Variants in MYBPC2 observed in about 807,000 individuals in gnomAD.
MYBPC2 encodes myosin-binding protein C, fast-type.
Under a neutral mutation model 137.0 loss-of-function variants are expected in MYBPC2, and 122 were observed. The ratio of observed to expected loss-of-function variants is 0.89; its 90% CI spans 0.77 to 1.03. The LOEUF is 1.03. Among genes scored for constraint, MYBPC2 ranks in the 50% least tolerant of loss-of-function variants. The pLI is 0.00. For missense variants in MYBPC2, 1,500 were observed against 1,534.4 expected, an observed-to-expected ratio of 0.98 and a Z score of 0.37; for synonymous variants, 626 against 612.3, an observed-to-expected ratio of 1.02 and a Z score of -0.33.
At position 50,460,038 on chromosome 19, in the gene MYBPC2, A is replaced by T; in HGVS notation, c.2792-2A>T. ...TGACTTGTCACACTTCCCCATTTCC[A>T]GAAAAGGCTGGGCCCCCCATAAACG... On this transcript the variant is annotated splice_acceptor_variant, in intron 23 of 27. Coordinates refer to ENST00000357701, the MANE Select transcript of MYBPC2 (RefSeq NM_004533.4). LOFTEE classifies it high-confidence loss of function. 2 of 1,551,816 alleles carry T rather than the reference A, an allele frequency of 1.3e-6. No homozygotes were observed. The highest frequency in any genetic ancestry group is 1.7e-6 in the Non-Finnish European group (2 of 1,147,444).
Position 50,437,828 on chromosome 19 carries a change from A to G in MYBPC2, c.572+110A>G, listed in dbSNP as rs951045257. 7 of 1,241,282 alleles carry G rather than the reference A, an allele frequency of 5.6e-6. No individual in the cohort carries two copies. In the East Asian group the frequency reaches 1.3e-4, roughly 23 times the overall value. The allele number at this position is 1,241,282 out of a possible 1,614,324, so 76.9% of individuals were successfully genotyped here. A position where few individuals can be genotyped will look rare whatever the true frequency, so the allele number is the denominator to read the frequency against. The stretch of plus-strand genomic sequence containing the variant: ...TCCTGGACCCACTGCTTATCCCTCT[A>G]CCACCTCCATCTGTTCACTCCCTGC... On this transcript the variant is annotated intron_variant, in intron 7 of 27. Coordinates refer to ENST00000357701, the MANE Select transcript of MYBPC2 (RefSeq NM_004533.4).
intron 20 of MYBPC2, among the ~76,000 whole-genome samples, chr19:50,457,290 C>T (rs1294321271): frequency 6.6e-6 from 1 of 152,178 alleles, no homozygotes; most frequent in Non-Finnish European, 1.5e-5. Context: ...TTTCAGAACC[C>T]AGCTTGTTAG....
At chr19:50,448,842 C>G (rs1047113813) in intron 13 of MYBPC2, among the ~76,000 whole-genome samples, 1 of 147,912 alleles carries the variant, frequency 6.8e-6, no homozygotes, top group Non-Finnish European at 1.5e-5. Context: ...TCAAGCGATT[C>G]TCCTGCCTCA....
At chr19:50,455,942 A>G (rs1475381026) in intron 20 of MYBPC2, among the ~76,000 whole-genome samples, 8 of 151,662 alleles carry the variant, frequency 5.3e-5, no homozygotes, top group Non-Finnish European at 2.9e-5. Context: ...TCTTTCTTCT[A>G]CTCATTTATC....
intron 23 of MYBPC2, 67 bp downstream of exon 23, chr19:50,459,373 G>T: frequency 6.2e-6 from 5 of 807,086 alleles, no homozygotes; most frequent in Non-Finnish European, 7.3e-6. Flanking sequence ...GGGGGAGGAG[G>T]TAAGAGATGA....
At chr19:50,440,851 T>G in intron 7 of MYBPC2, 29 bp from the exon 8 acceptor site, 2 of 1,592,282 alleles carry the variant, frequency 1.3e-6, no homozygotes, top group Non-Finnish European at 1.7e-6. Flanking sequence ...CACTCCCTGA[T>G]GGCCCCTGTC....
At chr19:50,447,715 G>C in intron 12 of MYBPC2, among the ~76,000 whole-genome samples, 1 of 152,112 alleles carries the variant, frequency 6.6e-6, no homozygotes, top group South Asian at 2.1e-4. Flanking sequence ...AAATTAGCCA[G>C]GCGTGGTGGT....
rs762754263 is a variant in MYBPC2, at chr19:50,455,501, T to G, written c.2204-9T>G. The G allele has an allele frequency of 3.8e-5, 61 of 1,610,530 alleles. No homozygotes were observed. Among genetic ancestry groups the G allele is most frequent in the Middle Eastern group, 3.3e-4 (2 of 6,070 alleles). ...TCCCCCCATATCCTCTTTTTCTGGA[T>G]GCTTGCAGCACCCACGAGTGAACCC... On this transcript the variant is annotated splice_polypyrimidine_tract_variant and intron_variant, in intron 19 of 27. Transcript: ENST00000357701.
At position 50,454,360 on chromosome 19, in the gene MYBPC2, C is replaced by CCAGT. The variant is rs777558412; in HGVS notation, c.2008_2011dup (p.Thr671SerfsTer22). ...GCCACCAATGTACGATGGGGGGAAG[C>CCAGT]CAGTCACCGGTGAGTGCCTCTGTCC... On this transcript the variant is annotated frameshift_variant, in exon 18 of 28. Transcript: ENST00000357701. LOFTEE classifies it high-confidence loss of function. 1.2e-5 allele frequency: 19 copies of CCAGT among 1,608,584 alleles called. No individual in the cohort carries two copies. Among genetic ancestry groups the CCAGT allele is most frequent in the Non-Finnish European group, 1.6e-5 (19 of 1,176,812 alleles).
At position 50,443,691 on chromosome 19, in the gene MYBPC2, C is replaced by G. The variant is rs573288749; in HGVS notation, c.1028-20C>G. On this transcript the variant is annotated intron_variant, in intron 10 of 27. Coordinates refer to ENST00000357701, the MANE Select transcript of MYBPC2 (RefSeq NM_004533.4). ...GAGGGGGTCCTGAAACGACTGACCT[C>G]CTGTCCCCCTGCCCCACAGAACCTC... 6.2e-7 allele frequency: 1 copy of G among 1,612,086 alleles called. No homozygotes were observed. Among genetic ancestry groups the G allele is most frequent in the African/African-American group, 1.3e-5 (1 of 75,006 alleles).
In MYBPC2 at chr19:50,461,575, A is replaced by G; in HGVS notation, c.2965A>G (p.Thr989Ala). Residue 989 changes from threonine to alanine, a missense_variant, in exon 25 of 28, where the codon ACT (threonine) becomes GCT (alanine). By Grantham distance (58) the Thr-to-Ala change is moderately conservative. Coordinates refer to ENST00000357701, the MANE Select transcript of MYBPC2 (RefSeq NM_004533.4). ...CAACGTCTATGAACGTAACAGGCAC[A>G]CTAGCTGTACTGTGTCCGACCTTAT... ...WFNVYERNRH[T>A]SCTVSDLIVG... 6.2e-7 allele frequency: 1 copy of G among 1,613,592 alleles called. No individual in the cohort carries two copies. The highest frequency in any genetic ancestry group is 1.1e-5 in the South Asian group (1 of 90,994).
At chr19:50,446,249 G>A (rs1297877292) in intron 12 of MYBPC2, among the ~76,000 whole-genome samples, 197 bp downstream of exon 12, 2 of 152,086 alleles carry the variant, frequency 1.3e-5, no homozygotes, top group African/African-American at 2.4e-5. Flanking sequence ...GGTGGCTCAC[G>A]CCTGTAATCC....
rs376860918 is a variant in MYBPC2 at position 50,443,469 on chromosome 19, G to A, written c.903-25G>A. On this transcript the variant is annotated intron_variant, in intron 9 of 27. Transcript: ENST00000357701. The stretch of plus-strand genomic sequence containing the variant: ...GGATAGGTGGATGCTCCACGCCCTG[G>A]TTTGAGGTGAGACTTTTGAATCAGG... The A allele has an allele frequency of 1.2e-5, 19 of 1,610,558 alleles. No homozygotes were observed. In the African/African-American group the frequency reaches 2.4e-4, roughly 20 times the overall value.
rs2122576327 is a variant in MYBPC2, at chr19:50,436,038, G to A, written c.223G>A (p.Val75Met). 3.2e-6 allele frequency: 5 copies of A among 1,583,864 alleles called. No individual in the cohort carries two copies. Among genetic ancestry groups the A allele is most frequent in the East Asian group, 2.3e-5 (1 of 43,230 alleles). The change falls in exon 4 of 28, where the codon GTG (valine) becomes ATG (methionine). Residue 75 changes from valine (V) to methionine (M), a missense_variant. Transcript: ENST00000357701. ...GAAGGACGCAGTGGTCGTGGCCAAGGTGAACGGGAAGGAGCTCCCAGACAA... is the reference window on the plus strand; with the variant it reads ...GAAGGACGCAGTGGTCGTGGCCAAGATGAACGGGAAGGAGCTCCCAGACAA... ...TGKDAVVVAK[V>M]NGKELPDKPT... is the part of the protein sequence containing the mutation.
chr19:50,443,954 G>A lies in MYBPC2; in HGVS notation c.1133+138G>A, dbSNP rs2039779081. The A allele has an allele frequency of 1.9e-5, 15 of 777,948 alleles. No individual in the cohort carries two copies. The South Asian group carries it at 3.1e-4, about 16-fold the overall frequency. 48.2% of individuals were successfully genotyped at this position (777,948 alleles called of 1,614,324 possible). Reference sequence around the variant, plus strand: ...CAGTAGTCATCCCCAGGAGATCTCAGCTTTTCTCTATAAATCCTTACCTTC... The same window carrying A: ...CAGTAGTCATCCCCAGGAGATCTCAACTTTTCTCTATAAATCCTTACCTTC... On this transcript the variant is annotated intron_variant, in intron 11 of 27. Transcript: ENST00000357701.
intron 1 of MYBPC2, among the ~76,000 whole-genome samples, chr19:50,434,684 G>A (rs1173248014): frequency 6.6e-6 from 1 of 152,210 alleles, no homozygotes; most frequent in Non-Finnish European, 1.5e-5. Flanking sequence ...ACCCCCTCCT[G>A]GGATGTCTGG....
At chr19:50,446,838 T>A in intron 12 of MYBPC2, among the ~76,000 whole-genome samples, 2 of 126,596 alleles carry the variant, frequency 1.6e-5, no homozygotes, top group Non-Finnish European at 3.5e-5. Flanking sequence ...AAAAAAAAAA[T>A]TAGCCGAGCA....
chr19:50,440,900 A>C lies in MYBPC2; in HGVS notation c.593A>C (p.Lys198Thr). ...LKKREVVEEE[K>T]KKKKKDDDDL... ...GCCAGGGAGGTGGTGGAGGAGGAGA[A>C]GAAGAAGAAAAAGAAAGATGACGAT... Residue 198 changes from lysine to threonine, a missense_variant, in exon 8 of 28, where the codon AAG (lysine) becomes ACG (threonine). Physicochemically the swap from Lys to Thr is moderately conservative, Grantham distance 78. Coordinates refer to ENST00000357701, the MANE Select transcript of MYBPC2 (RefSeq NM_004533.4). 1 of 1,613,176 alleles carries C rather than the reference A, an allele frequency of 6.2e-7. No individual in the cohort carries two copies. Among genetic ancestry groups the C allele is most frequent in the Non-Finnish European group, 8.5e-7 (1 of 1,179,502 alleles).
intron 26 of MYBPC2, among the ~76,000 whole-genome samples, chr19:50,462,247 C>T (rs776784491): frequency 1.9e-4 from 28 of 149,596 alleles, no homozygotes; most frequent in Non-Finnish European, 3.4e-4. Context: ...AGTGCAGTGG[C>T]ACGATCACAG....
Sources: gnomAD v4.1 joint callset for allele counts (sites outside exome capture counted in the v4.1 genomes callset) on GRCh38, gnomAD v4.1.1 for gene constraint, MANE v1.5 for transcripts, NCBI Gene and HGNC (gene_info 2026-07-23, HGNC 2026-07-21) for gene names.